Variants in MYH14 observed in about 807,000 individuals in gnomAD.
MYH14 encodes the protein myosin-14.
MYH14 carries 123 observed loss-of-function variants against 255.5 expected under a neutral mutation model. The observed-to-expected ratio is 0.48, with a 90% confidence interval of 0.42 to 0.56. The LOEUF (loss-of-function observed/expected upper bound fraction) is 0.56, where lower values mean the gene tolerates loss of function less well. MYH14 is among the 20% of genes least tolerant of loss of function. The pLI, the probability that MYH14 is intolerant of heterozygous loss-of-function variation, is 0.00. For synonymous variants in MYH14, 1,095 were observed against 1,161.2 expected (o/e 0.94, Z 1.16); for missense variants, 2,423 against 2,802.3 (o/e 0.86, Z 3.06).
intron 3 of MYH14, among the ~76,000 whole-genome samples, chr19:50,219,116 A>G (rs1253195191): frequency 1.4e-5 from 2 of 141,828 alleles, no homozygotes; most frequent in African/African-American, 2.5e-5. Context: ...CATGGGATAT[A>G]TATGTGTGTG....
chr19:50,246,143 C>G (rs2034117526), intron 11 of MYH14, among the ~76,000 whole-genome samples: 1 of 136,392 alleles, frequency 7.3e-6, no homozygotes, highest in African/African-American at 2.7e-5. Context: ...CTCCTTCCTT[C>G]CTTCCTTCCA....
At chr19:50,285,591 CACTT>C (rs1419643388) in intron 33 of MYH14, 1 of 152,146 alleles carries the variant, frequency 6.6e-6, no homozygotes, top group African/African-American at 2.4e-5. Flanking sequence ...TGGCTAAACT[CACTT>C]ACTAGTGCTA....
In MYH14 at chr19:50,271,498, T is replaced by G. The variant is rs1206751875; in HGVS notation, c.3123T>G (p.Phe1041Leu). 1.2e-6 allele frequency: 2 copies of G among 1,607,248 alleles called. No homozygotes were observed. Among genetic ancestry groups the G allele is most frequent in the Admixed American group, 3.4e-5 (2 of 58,930 alleles). Residue 1041 changes from phenylalanine (F) to leucine (L), a missense_variant, in exon 25 of 43, where the codon TTT becomes TTG. Phe to Leu is a conservative substitution (Grantham distance 22, BLOSUM62 0). Transcript: ENST00000642316. ...KVTTEAKMKK[F>L]EEDLLLLEDQ... Reference sequence around the variant, plus strand: ...CGACAGAGGCAAAAATGAAGAAATTTGAAGAGGACCTGCTGCTCCTGGAAG... The same window carrying G: ...CGACAGAGGCAAAAATGAAGAAATTGGAAGAGGACCTGCTGCTCCTGGAAG...
At position 50,293,664 on chromosome 19, in the gene MYH14, C is replaced by A. The variant is rs376798395; in HGVS notation, c.5446C>A (p.Arg1816Ser). The A allele has an allele frequency of 6.3e-7, 1 of 1,594,098 alleles. No individual in the cohort carries two copies. The highest frequency in any genetic ancestry group is 8.6e-7 in the Non-Finnish European group (1 of 1,169,214). ...EQSNSELLND[R>S]YRKLLLQVES... ...GAGCAACTCGGAGCTGCTCAATGAC[C>A]GCTACCGCAAGCTGCTCCTGCAGGT... Residue 1816 changes from arginine to serine, a missense_variant, in exon 39 of 43, where the codon CGC becomes AGC. Arg to Ser is a moderately radical substitution (Grantham distance 110, BLOSUM62 -1). Coordinates refer to ENST00000642316, the MANE Select transcript of MYH14 (RefSeq NM_001145809.2). The surrounding 1 kb of genome is among the most constrained non-coding windows in gnomAD (Gnocchi z 4.1).
In MYH14 at chr19:50,293,226, A is replaced by C. The variant is rs200061649; in HGVS notation, c.5257-7A>C. ...CACACCCACCGGCCACCCCTCCATC[A>C]TCACAGGAACTGGCCGCCTCGGACC... On this transcript the variant is annotated splice_region_variant and splice_polypyrimidine_tract_variant and intron_variant, in intron 37 of 42. Transcript: ENST00000642316. This position sits in a 1 kb window ranked among gnomAD's most constrained non-coding sequence, Gnocchi z 4.1. The C allele has an allele frequency of 1.2e-5, 19 of 1,598,356 alleles. No individual in the cohort carries two copies. The African/African-American group carries it at 1.7e-4, about 15-fold the overall frequency.
At chr19:50,217,571 C>A (rs777787325) in intron 2 of MYH14, 44 bp from the exon 3 acceptor site, 2 of 1,613,378 alleles carry the variant, frequency 1.2e-6, no homozygotes, top group African/African-American at 2.7e-5. Context: ...CCTTTCAGGC[C>A]GTGGGCAGCC....
In MYH14 at chr19:50,309,156, C is replaced by T. The variant is rs777049189; in HGVS notation, c.5939C>T (p.Thr1980Ile). 6.2e-7 allele frequency: 1 copy of T among 1,613,786 alleles called. No homozygotes were observed. Among genetic ancestry groups the T allele is most frequent in the South Asian group, 1.1e-5 (1 of 91,086 alleles). ...GCCGAGTCCATGAACCGTGAAGTGA[C>T]CACACTGAGGAACCGGCTTCGGTAT... is the stretch of plus-strand genomic sequence containing the variant. ...ESAESMNREV[T>I]TLRNRLRRGP... Residue 1980 changes from threonine (T) to isoleucine (I), a missense_variant, in exon 42 of 43, where the codon ACC (threonine) becomes ATC (isoleucine). By Grantham distance (89) the Thr-to-Ile change is moderately conservative. Transcript: ENST00000642316.
chr19:50,298,857 A>G (rs1475647798), intron 39 of MYH14, among the ~76,000 whole-genome samples: 2 of 152,176 alleles, frequency 1.3e-5, no homozygotes, highest in Admixed American at 6.6e-5. Context: ...TGAAGCAGGT[A>G]GATTGCTTGA....
In MYH14 at chr19:50,225,570, T is replaced by C; in HGVS notation, c.718-15T>C. 1 of 1,609,998 alleles carries C rather than the reference T, an allele frequency of 6.2e-7. No individual in the cohort carries two copies. The highest frequency in any genetic ancestry group is 8.5e-7 in the Non-Finnish European group (1 of 1,178,076). On this transcript the variant is annotated splice_polypyrimidine_tract_variant and intron_variant, in intron 6 of 42. Coordinates refer to ENST00000642316, the MANE Select transcript of MYH14 (RefSeq NM_001145809.2). ...ATTCTCACTGACCTCATGCATCATC[T>C]CCTGTGCCCGGCAGGGTGAGCTGGA...
At chr19:50,210,800 C>T in intron 2 of MYH14, 30 bp downstream of exon 2, 5 of 1,533,382 alleles carry the variant, frequency 3.3e-6, no homozygotes, top group Non-Finnish European at 4.4e-6. Context: ...GGGGCGCGTG[C>T]GGCGGAGTTG....
intron 30 of MYH14, among the ~76,000 whole-genome samples, chr19:50,278,772 C>G (rs2035603784): frequency 6.9e-6 from 1 of 145,958 alleles, no homozygotes; most frequent in African/African-American, 2.6e-5. Flanking sequence ...GTCAGAAGTT[C>G]GAGACCGGCC....
chr19:50,290,168 C>T (rs2036023458), intron 35 of MYH14, among the ~76,000 whole-genome samples: 2 of 152,034 alleles, frequency 1.3e-5, no homozygotes, highest in Non-Finnish European at 1.5e-5. Flanking sequence ...CAACCCAACC[C>T]CTCCCCTATT....
At position 50,276,089 on chromosome 19, in the gene MYH14, G is replaced by A. The variant is rs1162456665; in HGVS notation, c.3566G>A (p.Arg1189His). ...GCCCAGGAGGACCTGGAGTCTGAGC[G>A]TGTGGCCAGGACCAAGGCGGAGAAG... ...AEAQEDLESERVARTKAEKQR... is the reference protein window; with the variant it reads ...AEAQEDLESEHVARTKAEKQR... The change falls in exon 28 of 43, where the codon CGT (arginine) becomes CAT (histidine). Residue 1189 changes from arginine to histidine, a missense_variant. Transcript: ENST00000642316. The surrounding 1 kb of genome is among the most constrained non-coding windows in gnomAD (Gnocchi z 4.3). 62 of 1,610,052 alleles carry A rather than the reference G, an allele frequency of 3.9e-5. No homozygotes were observed. The highest frequency in any genetic ancestry group is 4.8e-5 in the Non-Finnish European group (56 of 1,178,770).
At chr19:50,289,729 A>G in intron 35 of MYH14, 81 bp downstream of exon 35, 1 of 1,344,346 alleles carries the variant, frequency 7.4e-7, no homozygotes, top group South Asian at 1.3e-5. Flanking sequence ...AAGGGCAGCA[A>G]GGGGTCTCCC....
At chr19:50,217,820 G>C in intron 3 of MYH14, 49 bp downstream of exon 3, 1 of 1,593,242 alleles carries the variant, frequency 6.3e-7, no homozygotes, top group Non-Finnish European at 8.5e-7. Context: ...CTTCAACGGG[G>C]GCCTGACCTG....
At chr19:50,273,599 G>GGT (rs761471130) in intron 27 of MYH14, among the ~76,000 whole-genome samples, 2 of 82,278 alleles carry the variant, frequency 2.4e-5, no homozygotes, top group Admixed American at 1.2e-4. Flanking sequence ...TGGAACATGG[G>GGT]GGGTGTGTGT....
chr19:50,284,469 C>T (rs899971333), intron 33 of MYH14, among the ~76,000 whole-genome samples: 12 of 152,038 alleles, frequency 7.9e-5, no homozygotes, highest in Non-Finnish European at 1.3e-4. Flanking sequence ...TGGGGTCAAG[C>T]GATTCCTCCT....
At chr19:50,259,007 C>T in intron 18 of MYH14, 137 bp from the exon 19 acceptor site, 1 of 1,196,500 alleles carries the variant, frequency 8.4e-7, no homozygotes, top group Non-Finnish European at 1.1e-6. Context: ...GCTGTCTTCC[C>T]AGGGCCTAGA....
chr19:50,248,744 G>C (rs976333530), intron 12 of MYH14, among the ~76,000 whole-genome samples: 3 of 152,230 alleles, frequency 2.0e-5, no homozygotes, highest in Non-Finnish European at 2.9e-5. Flanking sequence ...ACTGCTTTGA[G>C]GGGGTGAGGG....
Sources: allele counts gnomAD v4.1 joint callset (sites outside exome capture counted in the v4.1 genomes callset), GRCh38; gene constraint gnomAD v4.1.1; non-coding constraint Gnocchi (gnomAD v3.1); transcripts MANE v1.5; gene names NCBI Gene and HGNC (gene_info 2026-07-23, HGNC 2026-07-21).